Variants in CNOT1 observed in about 807,000 individuals in gnomAD.
The protein encoded by CNOT1 is CCR4-NOT transcription complex subunit 1.
CNOT1 carries 15 observed loss-of-function variants against 273.8 expected under a neutral mutation model. The observed-to-expected ratio is 0.05, with a 90% CI of 0.04 to 0.08. The LOEUF (loss-of-function observed/expected upper bound fraction) is 0.08. Ranked by LOEUF, CNOT1 falls within the 10% of genes least tolerant of loss-of-function variation. The pLI is 1.00. For synonymous variants in CNOT1, 1,022 were observed against 1,005.5 expected, an observed-to-expected ratio of 1.02 and a Z score of -0.31; for missense variants, 1,644 against 2,912.2, an observed-to-expected ratio of 0.56 and a Z score of 10.02.
At chr16:58,545,900 C>T (rs1433786525) in intron 29 of CNOT1, among the ~76,000 whole-genome samples, 1 of 152,204 alleles carries the variant, frequency 6.6e-6, no homozygotes, top group Non-Finnish European at 1.5e-5. Flanking sequence ...CCCAATCATT[C>T]AACACTCCCA....
chr16:58,624,703 G>A (rs2043491702), intron 1 of CNOT1: 1 of 151,948 alleles, frequency 6.6e-6, no homozygotes, highest in Admixed American at 6.6e-5. Flanking sequence ...GAGGCTGAGG[G>A]AGGAGAATCA....
intron 21 of CNOT1, 80 bp from the exon 22 acceptor site, chr16:58,553,940 T>G (rs1437002552): frequency 6.9e-7 from 1 of 1,458,236 alleles, no homozygotes; most frequent in Non-Finnish European, 9.0e-7. Flanking sequence ...CAAATGCTAA[T>G]CTAGGTCATT....
intron 8 of CNOT1, 98 bp downstream of exon 8, chr16:58,585,240 A>T: frequency 6.5e-6 from 10 of 1,534,896 alleles, no homozygotes; most frequent in Non-Finnish European, 8.8e-6. Context: ...TGAGAAGAAA[A>T]GATGATTAAC....
At chr16:58,536,612 TTTTTG>T (rs1325424570) in intron 39 of CNOT1, among the ~76,000 whole-genome samples, 3 of 133,200 alleles carry the variant, frequency 2.3e-5, no homozygotes, top group Admixed American at 1.4e-4. Context: ...TAAATAAGCA[TTTTTG>T]TTTTGTCATT....
intron 33 of CNOT1, 129 bp from the exon 34 acceptor site, chr16:58,541,749 T>G: frequency 1.2e-6 from 1 of 845,458 alleles, no homozygotes; most frequent in Non-Finnish European, 1.9e-6. Context: ...ACAGCATGAT[T>G]AAGCATGCAC....
intron 13 of CNOT1, among the ~76,000 whole-genome samples, chr16:58,578,168 T>C (rs1032061691): frequency 6.6e-6 from 1 of 152,106 alleles, no homozygotes; most frequent in African/African-American, 2.4e-5. Context: ...AATTATTAAA[T>C]ATTGGCCGGG....
chr16:58,574,662 T>C lies in CNOT1; in HGVS notation c.1926A>G (p.Gln642=), dbSNP rs2041400216. The change falls in exon 16 of 49, where the codon CAA becomes CAG. Residue 642 remains glutamine, a synonymous_variant. Coordinates refer to ENST00000317147, the MANE Select transcript of CNOT1 (RefSeq NM_016284.5). ...APEKDQPKSA[Q]LPPETLATML... is the part of the protein sequence containing the mutation. The stretch of plus-strand genomic sequence containing the variant: ...TTGTCGCCAAAGTTTCTGGAGGAAG[T>C]TGAGCACTTTTGGGCTGGTCTTTTT... 1.2e-6 allele frequency: 2 copies of C among 1,607,386 alleles called. No individual in the cohort carries two copies. Among genetic ancestry groups the C allele is most frequent in the Non-Finnish European group, 8.5e-7 (1 of 1,178,852 alleles).
At chr16:58,534,758 T>C (rs1009025935) in intron 39 of CNOT1, among the ~76,000 whole-genome samples, 1 of 152,190 alleles carries the variant, frequency 6.6e-6, no homozygotes, top group Non-Finnish European at 1.5e-5. Context: ...GAAGACTAAA[T>C]TGCACATATT....
chr16:58,554,736 G>A (rs867403191), intron 21 of CNOT1, among the ~76,000 whole-genome samples: 10 of 151,540 alleles, frequency 6.6e-5, no homozygotes, highest in Middle Eastern at 3.4e-3. Flanking sequence ...AGGAGTTCAA[G>A]ACCAGCCTGG....
chr16:58,548,597 G>A (rs755693020), intron 25 of CNOT1: 2 of 519,014 alleles, frequency 3.9e-6, no homozygotes, highest in African/African-American at 3.8e-5. Context: ...AACCAAGAAT[G>A]GGGAATATTC....
rs998382380 is a variant in CNOT1 at position 58,542,270 on chromosome 16, T to C, written c.4641A>G (p.Thr1547=). 16 of 1,614,058 alleles carry C rather than the reference T, an allele frequency of 9.9e-6. No individual in the cohort carries two copies. The highest frequency in any genetic ancestry group is 3.3e-5 in the Admixed American group (2 of 59,998). The part of the protein sequence containing the change: ...GRRYCDPVVL[T]YQAERMPEQI... ...GCTCTGGCATCCGTTCAGCTTGATA[T>C]GTTAAAACAACAGGATCACAGTATC... The change falls in exon 33 of 49, where the codon ACA becomes ACG. Residue 1547 remains threonine, a synonymous_variant. Transcript: ENST00000317147.
rs751328700 is a variant in CNOT1, at chr16:58,538,924, A to C, written c.4993-10T>G. 8 of 1,608,018 alleles carry C rather than the reference A, an allele frequency of 5.0e-6. No homozygotes were observed. Among genetic ancestry groups the C allele is most frequent in the Non-Finnish European group, 6.8e-6 (8 of 1,178,016 alleles). ...GTAAGCCCTCTACAGCCTATGGGAG[A>C]AAGAAAGCGTTCAAAACCATGAAAA... On this transcript the variant is annotated splice_polypyrimidine_tract_variant and intron_variant, in intron 35 of 48. Transcript: ENST00000317147.
At chr16:58,574,467 T>A (rs1040080821) in intron 16 of CNOT1, 142 bp downstream of exon 16, 17 of 701,850 alleles carry the variant, frequency 2.4e-5, no homozygotes, top group Non-Finnish European at 3.6e-5. Flanking sequence ...GTATGTATCA[T>A]AAATAGTATA....
chr16:58,589,854 A>C (rs887307192), intron 2 of CNOT1, among the ~76,000 whole-genome samples: 3 of 152,182 alleles, frequency 2.0e-5, no homozygotes, highest in African/African-American at 7.2e-5. Context: ...TTTCTAAATG[A>C]AAAACTCCAG....
At chr16:58,541,382 A>G in intron 34 of CNOT1, 119 bp downstream of exon 34, 1 of 1,439,484 alleles carries the variant, frequency 6.9e-7, no homozygotes, top group Non-Finnish European at 9.3e-7. Context: ...CTCAAAAACT[A>G]TAGGTGTTTT....
At chr16:58,593,559 G>T (rs542302800) in intron 2 of CNOT1, among the ~76,000 whole-genome samples, 1 of 109,630 alleles carries the variant, frequency 9.1e-6, no homozygotes, top group South Asian at 3.0e-4. Flanking sequence ...GCGAAACTCC[G>T]TCTCAAGGGA....
At position 58,535,721 on chromosome 16, in the gene CNOT1, CCT is replaced by C. The variant is rs571592522; in HGVS notation, c.5646+1266_5646+1267del. Among the ~76,000 whole-genome samples, 29 of 151,878 alleles carry C rather than the reference CCT, an allele frequency of 1.9e-4. No homozygotes were observed. The South Asian group carries it at 2.9e-3, about 15-fold the overall frequency. On this transcript the variant is annotated intron_variant, in intron 39 of 48. Transcript: ENST00000317147. ...AGTAACATTCATTTTGAAAAGTAAA[CCT>C]AATTTCTTTTTTTTTTTTAATTTTT... is the stretch of plus-strand genomic sequence containing the variant.
At chr16:58,557,197 A>C (rs2151938463) in intron 18 of CNOT1, among the ~76,000 whole-genome samples, 1 of 152,284 alleles carries the variant, frequency 6.6e-6, no homozygotes, top group East Asian at 1.9e-4. Context: ...ATAATCCCCA[A>C]ATTTCTTTAG....
intron 17 of CNOT1, chr16:58,559,803 C>T (rs776536569): frequency 3.9e-6 from 2 of 518,566 alleles, no homozygotes; most frequent in Non-Finnish European, 7.7e-6. Context: ...CTTAAATGTA[C>T]CTTGTTTTTA....
Sources: gnomAD v4.1 joint callset for allele counts (sites outside exome capture counted in the v4.1 genomes callset) on GRCh38, gnomAD v4.1.1 for gene constraint, MANE v1.5 for transcripts, NCBI Gene and HGNC (gene_info 2026-07-23, HGNC 2026-07-21) for gene names.